The following ZNF804B variants were observed in gnomAD, a reference collection of about 807,000 sequenced individuals.
ZNF804B encodes zinc finger 804B.
ZNF804B carries 80 observed loss-of-function variants against 101.4 expected under a neutral mutation model. The ratio of observed to expected loss-of-function variants is 0.79; its 90% confidence interval spans 0.66 to 0.95. The LOEUF (loss-of-function observed/expected upper bound fraction) is 0.95. Ranked by LOEUF, ZNF804B falls within the 40% of genes least tolerant of loss-of-function variation. ZNF804B has a pLI of 0.00. For missense variants in ZNF804B, 1,673 were observed against 1,561.9 expected, an observed-to-expected ratio of 1.07 and a Z score of -1.20; for synonymous variants, 622 against 558.8, an observed-to-expected ratio of 1.11 and a Z score of -1.59.
At chr7:89,131,111 G>C (rs1179085206) in intron 1 of ZNF804B, among the ~76,000 whole-genome samples, 1 of 151,982 alleles carries the variant, frequency 6.6e-6, no homozygotes, top group African/African-American at 2.4e-5. Flanking sequence ...ATAAAGGGAA[G>C]TTCATGTATC....
At chr7:89,285,794 A>C in intron 2 of ZNF804B, among the ~76,000 whole-genome samples, 1 of 152,148 alleles carries the variant, frequency 6.6e-6, no homozygotes, top group East Asian at 1.9e-4. Context: ...CAATGCTTTT[A>C]AACCTCAAGT....
intron 1 of ZNF804B, among the ~76,000 whole-genome samples, chr7:88,978,791 TCTCCCTCCCTGCCTCCCTCC>T (rs1424009211): frequency 2.4e-5 from 3 of 127,494 alleles, no homozygotes; most frequent in Non-Finnish European, 4.8e-5. Context: ...TTCCTCCCTC[TCTCCCTCCCTGCCTCCCTCC>T]CTCCCTCCCT....
chr7:88,787,248 ATTAT>A (rs2115674441), intron 1 of ZNF804B, among the ~76,000 whole-genome samples: 1 of 152,266 alleles, frequency 6.6e-6, no homozygotes, highest in South Asian at 2.1e-4. Context: ...GGCTTTGCAG[ATTAT>A]TTATTATAGA....
intron 2 of ZNF804B, among the ~76,000 whole-genome samples, chr7:89,279,081 G>C (rs936747692): frequency 6.6e-6 from 1 of 152,084 alleles, no homozygotes; most frequent in Admixed American, 6.5e-5. Flanking sequence ...CTTGTAAGGT[G>C]GATTCCTAGG....
rs1475205376 is a variant in ZNF804B at position 89,333,816 on chromosome 7, A to C, written c.834A>C (p.Glu278Asp). Reference protein sequence around the residue: ...FANKDTHLTKEKEVNISPSHL... With the variant: ...FANKDTHLTKDKEVNISPSHL... ...ATAAAGATACACACCTTACCAAGGA[A>C]AAAGAGGTAAATATCTCACCAAGCC... The change falls in exon 4 of 4, where the codon GAA (glutamate) becomes GAC (aspartate). Residue 278 changes from glutamate (E) to aspartate (D), a missense_variant. By Grantham distance (45) the Glu-to-Asp change is conservative. Coordinates refer to ENST00000333190, the MANE Select transcript of ZNF804B (RefSeq NM_181646.5). The C allele has an allele frequency of 6.2e-7, 1 of 1,613,558 alleles. No individual in the cohort carries two copies. The highest frequency in any genetic ancestry group is 1.1e-5 in the South Asian group (1 of 91,072).
chr7:88,966,915 T>C (rs1455084971), intron 1 of ZNF804B, among the ~76,000 whole-genome samples: 1 of 151,448 alleles, frequency 6.6e-6, no homozygotes, highest in Non-Finnish European at 1.5e-5. Context: ...CATTGCAGCT[T>C]GTTGCACTTC....
At chr7:89,032,212 A>C (rs545735423) in intron 1 of ZNF804B, among the ~76,000 whole-genome samples, 1 of 151,354 alleles carries the variant, frequency 6.6e-6, no homozygotes, top group East Asian at 1.9e-4. Context: ...TGATAGGAGC[A>C]TTTCAAAGAA....
intron 2 of ZNF804B, among the ~76,000 whole-genome samples, chr7:89,263,663 T>G (rs992070291): frequency 4.6e-5 from 7 of 152,046 alleles, no homozygotes; most frequent in Non-Finnish European, 1.0e-4. Context: ...TCCTCGATTA[T>G]CTGGGTGGAC....
intron 1 of ZNF804B, among the ~76,000 whole-genome samples, chr7:89,034,869 A>G (rs2116237441): frequency 6.6e-6 from 1 of 152,268 alleles, no homozygotes; most frequent in African/African-American, 2.4e-5. Context: ...TCCCACCAAA[A>G]GTGTAAAAGC....
At chr7:88,944,333 T>C (rs1019320381) in intron 1 of ZNF804B, among the ~76,000 whole-genome samples, 11 of 151,834 alleles carry the variant, frequency 7.2e-5, no homozygotes, top group South Asian at 2.1e-4. Flanking sequence ...AATTTTTGTT[T>C]GCATTTTCTA....
chr7:89,221,163 G>A (rs949500627), intron 2 of ZNF804B, among the ~76,000 whole-genome samples: 2 of 151,720 alleles, frequency 1.3e-5, no homozygotes, highest in Admixed American at 1.3e-4. Context: ...TGATTTCGTA[G>A]ACATCAATGA....
At chr7:89,189,423 G>A (rs1788423318) in intron 1 of ZNF804B, among the ~76,000 whole-genome samples, 1 of 152,130 alleles carries the variant, frequency 6.6e-6, no homozygotes, top group Non-Finnish European at 1.5e-5. Context: ...AGATGAGGCA[G>A]CTGCTCGGAA....
intron 1 of ZNF804B, among the ~76,000 whole-genome samples, chr7:89,124,413 A>G (rs533684127): frequency 5.9e-5 from 9 of 152,302 alleles, no homozygotes; most frequent in Non-Finnish European, 1.0e-4. Flanking sequence ...GAAAGCATAT[A>G]CAAAACTGCA....
Position 88,888,460 on chromosome 7 carries a change from G to A in ZNF804B, c.108+128376G>A, listed in dbSNP as rs145289506. ...TTAGTTATCATCACCAATGATTTAC[G>A]TATTTATGATACTTTTACAGTTGGT... On this transcript the variant is annotated intron_variant, in intron 1 of 3. Transcript: ENST00000333190. 9.9e-4 allele frequency among the ~76,000 whole-genome samples: 151 copies of A among 152,074 alleles called. No homozygotes were observed. The East Asian group carries it at 0.023, about 24-fold the overall frequency.
chr7:89,214,389 A>T (rs1258388305), intron 1 of ZNF804B, among the ~76,000 whole-genome samples: 1 of 152,124 alleles, frequency 6.6e-6, no homozygotes, highest in Admixed American at 6.5e-5. Flanking sequence ...TTATATATCA[A>T]ATCTTGTATC....
In ZNF804B at chr7:88,853,723, C is replaced by T. The variant is rs78098942; in HGVS notation, c.108+93639C>T. Among the ~76,000 whole-genome samples the T allele has an allele frequency of 9.1e-3, 1,376 of 152,010 alleles. 22 individuals are homozygous for T. The highest frequency in any genetic ancestry group is 0.031 in the African/African-American group (1,276 of 41,478). On this transcript the variant is annotated intron_variant, in intron 1 of 3. Coordinates refer to ENST00000333190, the MANE Select transcript of ZNF804B (RefSeq NM_181646.5). ...GAACTATCAATGTACCAAGTTTCTC[C>T]AAATTTTAAATTTAAATTTTGGCTA... is the stretch of plus-strand genomic sequence containing the variant.
In ZNF804B at chr7:88,818,996, A is replaced by G. The variant is rs150120319; in HGVS notation, c.108+58912A>G. On this transcript the variant is annotated intron_variant, in intron 1 of 3. Transcript: ENST00000333190. ...TTTTAGGCTCCTCATACAGCTTTCA[A>G]TGTCAATTTTCAGAAAAATACAGAT... Among the ~76,000 whole-genome samples the G allele has an allele frequency of 6.1e-4, 93 of 152,316 alleles. 1 individual carries two copies. Among genetic ancestry groups the G allele is most frequent in the African/African-American group, 2.2e-3 (91 of 41,588 alleles).
intron 1 of ZNF804B, among the ~76,000 whole-genome samples, chr7:88,924,617 G>C (rs1584019488): frequency 6.6e-6 from 1 of 152,036 alleles, no homozygotes; most frequent in East Asian, 1.9e-4. Context: ...TTTGTATTAA[G>C]TCCTCAACCT....
At chr7:88,767,633 G>A (rs1441550103) in intron 1 of ZNF804B, among the ~76,000 whole-genome samples, 1 of 152,158 alleles carries the variant, frequency 6.6e-6, no homozygotes, top group East Asian at 1.9e-4. Context: ...GATATGAAAG[G>A]AAGAGGCATG....
Sources: allele counts gnomAD v4.1 joint callset (sites outside exome capture counted in the v4.1 genomes callset), GRCh38; gene constraint gnomAD v4.1.1; transcripts MANE v1.5; gene names NCBI Gene and HGNC (gene_info 2026-07-23, HGNC 2026-07-21).